The following MALRD1 variants were observed in gnomAD, a reference collection of about 807,000 sequenced individuals.
The protein encoded by MALRD1 is MAM and LDL-receptor class A domain-containing protein 1.
A neutral mutation model predicts 242.1 loss-of-function variants in MALRD1; 247 were observed. The observed-to-expected ratio is 1.02, with a 90% confidence interval of 0.92 to 1.13. The LOEUF (loss-of-function observed/expected upper bound fraction) is 1.13. MALRD1 is among the 50% of genes most tolerant of loss of function. The pLI, the probability that MALRD1 is intolerant of heterozygous loss-of-function variation, is 0.00. For missense variants in MALRD1, 2,989 were observed against 2,533.1 expected, an observed-to-expected ratio of 1.18 and a Z score of -3.86; for synonymous variants, 995 against 866.6, an observed-to-expected ratio of 1.15 and a Z score of -2.60.
At chr10:19,513,427 T>C (rs968023059) in intron 31 of MALRD1, among the ~76,000 whole-genome samples, 5 of 111,294 alleles carry the variant, frequency 4.5e-5, no homozygotes, top group African/African-American at 7.4e-5. Flanking sequence ...ATAAATCTCT[T>C]TTTTTTTTTT....
chr10:19,094,075 G>A (rs1471133499), intron 4 of MALRD1, among the ~76,000 whole-genome samples: 2 of 109,150 alleles, frequency 1.8e-5, no homozygotes, highest in African/African-American at 3.7e-5. Flanking sequence ...CAGAGGTGGA[G>A]CCTACAGAGG....
chr10:19,264,240 A>G (rs1839880730), intron 19 of MALRD1, among the ~76,000 whole-genome samples: 1 of 152,038 alleles, frequency 6.6e-6, no homozygotes, highest in Non-Finnish European at 1.5e-5. Flanking sequence ...ACATTTATTA[A>G]TTTTCATATG....
rs1013160252 is a variant in MALRD1, at chr10:19,149,001, A to T, written c.1558+2657A>T. Among the ~76,000 whole-genome samples the T allele has an allele frequency of 2.0e-5, 3 of 151,954 alleles. No homozygotes were observed. In the South Asian group the frequency reaches 6.2e-4, roughly 31 times the overall value. ...CAGCCTAATAATTCCGATATCTAAG[A>T]AAGTGGAGTTCTAGTTCATTTTGTT... On this transcript the variant is annotated intron_variant, in intron 11 of 39. Coordinates refer to ENST00000454679, the MANE Select transcript of MALRD1 (RefSeq NM_001142308.3).
At chr10:19,573,068 G>A (rs1236415732) in intron 33 of MALRD1, among the ~76,000 whole-genome samples, 1 of 152,156 alleles carries the variant, frequency 6.6e-6, no homozygotes, top group Admixed American at 6.5e-5. Context: ...GGGTGCAGAT[G>A]TTCATTACAC....
At chr10:19,599,793 G>A (rs568341028) in intron 34 of MALRD1, among the ~76,000 whole-genome samples, 1 of 152,220 alleles carries the variant, frequency 6.6e-6, no homozygotes, top group South Asian at 2.1e-4. Context: ...GGAGTACTTG[G>A]TAAGAGGCAT....
chr10:19,504,054 G>A (rs1490837895), intron 31 of MALRD1, among the ~76,000 whole-genome samples: 1 of 152,148 alleles, frequency 6.6e-6, no homozygotes, highest in Non-Finnish European at 1.5e-5. Context: ...GCTCTCCTAT[G>A]TATAATAGCA....
intron 36 of MALRD1, among the ~76,000 whole-genome samples, chr10:19,690,773 AATAG>A (rs1842785354): frequency 6.6e-6 from 1 of 151,674 alleles, no homozygotes; most frequent in Non-Finnish European, 1.5e-5. Flanking sequence ...CAGTGTAGAT[AATAG>A]ATAGATGGAT....
chr10:19,690,443 C>T (rs1208774958), intron 36 of MALRD1, among the ~76,000 whole-genome samples: 5 of 151,956 alleles, frequency 3.3e-5, no homozygotes, highest in African/African-American at 1.2e-4. Flanking sequence ...AAACTTCTAA[C>T]ACTAGAATGG....
intron 38 of MALRD1, among the ~76,000 whole-genome samples, chr10:19,726,690 C>G (rs746837190): frequency 1.3e-5 from 2 of 152,168 alleles, no homozygotes; most frequent in Non-Finnish European, 2.9e-5. Flanking sequence ...AAGATGGAAA[C>G]TACCCAAATT....
intron 36 of MALRD1, among the ~76,000 whole-genome samples, chr10:19,661,646 C>T (rs1042970408): frequency 4.6e-5 from 7 of 151,494 alleles, no homozygotes; most frequent in Admixed American, 6.6e-5. Flanking sequence ...GGGATAGGGG[C>T]GGGGGGAAGG....
At chr10:19,495,382 A>T (rs541424939) in intron 30 of MALRD1, among the ~76,000 whole-genome samples, 1 of 152,152 alleles carries the variant, frequency 6.6e-6, no homozygotes, top group East Asian at 1.9e-4. Flanking sequence ...ACTAATAGTG[A>T]ATCTTTCAGC....
intron 14 of MALRD1, among the ~76,000 whole-genome samples, chr10:19,175,721 G>C (rs1440865116): frequency 6.6e-6 from 1 of 151,784 alleles, no homozygotes; most frequent in Non-Finnish European, 1.5e-5. Context: ...TCACCCAGGA[G>C]TTCAAAAAAA....
intron 32 of MALRD1, among the ~76,000 whole-genome samples, chr10:19,546,888 A>G (rs189063909): frequency 7.2e-5 from 11 of 152,354 alleles, no homozygotes; most frequent in South Asian, 2.1e-4. Flanking sequence ...TCAGTTAGCC[A>G]TCAGAACCAG....
intron 4 of MALRD1, among the ~76,000 whole-genome samples, chr10:19,088,584 TATTTATTTTTTTTTATTA>T: frequency 1.1e-5 from 1 of 88,738 alleles, no homozygotes; most frequent in Non-Finnish European, 2.2e-5. Flanking sequence ...TTTATTTATT[TATTTATTTTTTTTTATTA>T]TACTCTAAGT....
At chr10:19,700,192 T>G (rs1405088220) in intron 38 of MALRD1, among the ~76,000 whole-genome samples, 1 of 152,072 alleles carries the variant, frequency 6.6e-6, no homozygotes, top group Non-Finnish European at 1.5e-5. Context: ...CCGAAGAAGT[T>G]TCCACCCTCT....
intron 12 of MALRD1, among the ~76,000 whole-genome samples, chr10:19,161,045 C>T (rs1254818746): frequency 3.5e-4 from 52 of 150,490 alleles, no homozygotes; most frequent in African/African-American, 1.2e-3. Flanking sequence ...TATAAAGACA[C>T]ATGCACACGT....
At chr10:19,359,125 T>C (rs547055735) in intron 26 of MALRD1, among the ~76,000 whole-genome samples, 1 of 152,110 alleles carries the variant, frequency 6.6e-6, no homozygotes, top group Non-Finnish European at 1.5e-5. Flanking sequence ...GAACTGAGAT[T>C]CAGAGAAGTT....
At chr10:19,285,734 G>A (rs868146518) in intron 21 of MALRD1, among the ~76,000 whole-genome samples, 20 of 123,802 alleles carry the variant, frequency 1.6e-4, no homozygotes, top group South Asian at 3.2e-4. Flanking sequence ...TTGGCGATGC[G>A]GGCTCTTTTT....
intron 14 of MALRD1, among the ~76,000 whole-genome samples, chr10:19,202,156 G>T (rs995161263): frequency 6.6e-6 from 1 of 151,868 alleles, no homozygotes; most frequent in Non-Finnish European, 1.5e-5. Context: ...CTTTCATTTC[G>T]CTTGTTTCTA....
Sources: allele counts gnomAD v4.1 joint callset (sites outside exome capture counted in the v4.1 genomes callset), GRCh38; gene constraint gnomAD v4.1.1; transcripts MANE v1.5; gene names NCBI Gene and HGNC (gene_info 2026-07-23, HGNC 2026-07-21).